The following INSR variants were observed in gnomAD, a reference collection of about 807,000 sequenced individuals.
INSR encodes the protein insulin receptor, also known as IR.
In INSR, 67 loss-of-function variants were observed where a neutral mutation model predicts 142.6. The observed-to-expected ratio is 0.47, with a 90% CI of 0.39 to 0.58. INSR has a LOEUF of 0.58. INSR is among the 20% of genes least tolerant of loss of function. INSR has a pLI of 0.00. For synonymous variants in INSR, 756 were observed against 743.1 expected (o/e 1.02, Z -0.28); for missense variants, 1,248 against 1,833.2 (o/e 0.68, Z 5.83).
At chr19:7,283,097 G>T (rs995311314) in intron 1 of INSR, among the ~76,000 whole-genome samples, 15 of 152,130 alleles carry the variant, frequency 9.9e-5, no homozygotes, top group Non-Finnish European at 1.2e-4. Flanking sequence ...GGAGGCTGAG[G>T]TGGGAGGACC....
At chr19:7,181,933 C>T (rs1974284797) in intron 3 of INSR, among the ~76,000 whole-genome samples, 3 of 152,020 alleles carry the variant, frequency 2.0e-5, no homozygotes, top group Non-Finnish European at 4.4e-5. Context: ...ATCAAGAACT[C>T]CTTCCCAGAT....
At chr19:7,247,757 C>T (rs1021147567) in intron 2 of INSR, among the ~76,000 whole-genome samples, 3 of 152,212 alleles carry the variant, frequency 2.0e-5, no homozygotes, top group African/African-American at 7.2e-5. Context: ...GCAGGCCTGT[C>T]TGACTCCAGA....
chr19:7,122,776 A>C lies in INSR; in HGVS notation c.3370-3T>G, dbSNP rs1351184521. On this transcript the variant is annotated splice_region_variant and splice_polypyrimidine_tract_variant and intron_variant, in intron 18 of 21. Transcript: ENST00000302850. ...GGGGGAGGGCGGCCAGGATTATTCT[A>C]AAACAGAAACACGGGGTTGGTGTTT... 6.2e-7 allele frequency: 1 copy of C among 1,614,158 alleles called. No individual in the cohort carries two copies. The highest frequency in any genetic ancestry group is 1.3e-5 in the African/African-American group (1 of 75,044).
chr19:7,231,775 CTTT>C (rs11453584), intron 2 of INSR, among the ~76,000 whole-genome samples: 1 of 145,278 alleles, frequency 6.9e-6, no homozygotes, highest in Admixed American at 6.9e-5. Context: ...TTTTCTGTCT[CTTT>C]TTTTTTTTTT....
intron 2 of INSR, 58 bp from the exon 3 acceptor site, chr19:7,184,695 T>C: frequency 8.7e-7 from 1 of 1,153,632 alleles, no homozygotes; most frequent in Non-Finnish European, 1.2e-6. Context: ...AATAAATAAA[T>C]AAATAAATAA....
chr19:7,132,385 C>G, intron 13 of INSR, 68 bp from the exon 14 acceptor site: 6 of 1,549,954 alleles, frequency 3.9e-6, no homozygotes, highest in Non-Finnish European at 5.3e-6. Context: ...CCACCCCTCG[C>G]AGGGAGCTCA....
intron 9 of INSR, among the ~76,000 whole-genome samples, chr19:7,155,301 G>A (rs1330855836): frequency 2.0e-5 from 3 of 152,114 alleles, no homozygotes; most frequent in African/African-American, 4.8e-5. Flanking sequence ...TTGGGAAGCC[G>A]AGGCAGGAGG....
In INSR at chr19:7,285,802, C is replaced by T. The variant is rs142784363; in HGVS notation, c.100+7990G>A. Among the ~76,000 whole-genome samples, 72 of 151,900 alleles carry T rather than the reference C, an allele frequency of 4.7e-4. No individual in the cohort carries two copies. In the East Asian group the frequency reaches 9.6e-3, roughly 20 times the overall value. On this transcript the variant is annotated intron_variant, in intron 1 of 21. Transcript: ENST00000302850. ...AAAACTATAGGGATGGAGAACAGAT[C>T]TGTGGTTAGGGGTGGAGGTGGTTTA...
At chr19:7,204,384 A>G (rs1975047029) in intron 2 of INSR, among the ~76,000 whole-genome samples, 1 of 151,778 alleles carries the variant, frequency 6.6e-6, no homozygotes, top group Admixed American at 6.6e-5. Context: ...TCCCCTCTAT[A>G]AGTTACGAGA....
In INSR at chr19:7,270,396, C is replaced by T. The variant is rs1156732661; in HGVS notation, c.101-2500G>A. On this transcript the variant is annotated intron_variant, in intron 1 of 21. Coordinates refer to ENST00000302850, the MANE Select transcript of INSR (RefSeq NM_000208.4). ...ACACACACACTGCAGGTAGAAAGAA[C>T]ACTTGGCCGCCATCCTCCCCAGGCT... Among the ~76,000 whole-genome samples the T allele has an allele frequency of 2.8e-5, 4 of 144,552 alleles. No individual in the cohort carries two copies. The East Asian group carries it at 7.9e-4, about 28-fold the overall frequency. 94.8% of individuals were successfully genotyped at this position (144,552 alleles called of 152,430 possible). A position where few individuals can be genotyped will look rare whatever the true frequency, so the allele number is the denominator to read the frequency against.
At chr19:7,209,400 G>A (rs1048149319) in intron 2 of INSR, among the ~76,000 whole-genome samples, 2 of 152,226 alleles carry the variant, frequency 1.3e-5, no homozygotes, top group South Asian at 2.1e-4. Context: ...GTATGCAAAC[G>A]TTGAGCTCAA....
chr19:7,143,846 G>A (rs2144864934), intron 11 of INSR, among the ~76,000 whole-genome samples: 1 of 152,298 alleles, frequency 6.6e-6, no homozygotes, highest in African/African-American at 2.4e-5. Flanking sequence ...CCTGAGGTTA[G>A]GAGTTCAAGA....
intron 2 of INSR, among the ~76,000 whole-genome samples, chr19:7,265,466 C>T (rs529001559): frequency 6.6e-6 from 1 of 152,036 alleles, no homozygotes; most frequent in Non-Finnish European, 1.5e-5. Flanking sequence ...ATAGGCTGGG[C>T]GCGGTGGCTC....
intron 9 of INSR, among the ~76,000 whole-genome samples, chr19:7,161,705 C>T (rs902997443): frequency 1.3e-5 from 2 of 151,992 alleles, no homozygotes; most frequent in African/African-American, 2.4e-5. Flanking sequence ...AGAAGTCTTG[C>T]GTGGGTTAAC....
intron 2 of INSR, among the ~76,000 whole-genome samples, chr19:7,245,577 T>C (rs1043224177): frequency 6.6e-6 from 1 of 152,082 alleles, no homozygotes; most frequent in African/African-American, 2.4e-5. Flanking sequence ...GGTTCCCAAG[T>C]AGCTGGGACT....
At chr19:7,224,647 C>G (rs1367649098) in intron 2 of INSR, among the ~76,000 whole-genome samples, 1 of 152,200 alleles carries the variant, frequency 6.6e-6, no homozygotes, top group Non-Finnish European at 1.5e-5. Flanking sequence ...CCAGGCAGTG[C>G]ACCCTGGGCG....
Position 7,168,180 on chromosome 19 carries a change from G to A in INSR, c.1484-86C>T. ...CTGGGACCCCCACACTTCCTGGAGG[G>A]ACCGTGAGAAGGCAGAGGTGACGCT... On this transcript the variant is annotated intron_variant, in intron 6 of 21. Transcript: ENST00000302850. The surrounding 1 kb of genome is among the most constrained non-coding windows in gnomAD (Gnocchi z 4.3). The A allele has an allele frequency of 1.4e-6, 2 of 1,404,728 alleles. No individual in the cohort carries two copies. Among genetic ancestry groups the A allele is most frequent in the Non-Finnish European group, 2.0e-6 (2 of 997,044 alleles). The allele number at this position is 1,404,728 out of a possible 1,614,324, so 87.0% of individuals were successfully genotyped here.
In INSR at chr19:7,160,937, A is replaced by G. The variant is rs995585892; in HGVS notation, c.2029+2095T>C. On this transcript the variant is annotated intron_variant, in intron 9 of 21. Transcript: ENST00000302850. Reference sequence around the variant, plus strand: ...CTTGAACCCAGCAGGCGGAGGTTGCAGTGAGCCAAGATCAAGCCACTGCAC... The same window carrying G: ...CTTGAACCCAGCAGGCGGAGGTTGCGGTGAGCCAAGATCAAGCCACTGCAC... 4.0e-5 allele frequency among the ~76,000 whole-genome samples: 6 copies of G among 150,108 alleles called. No individual in the cohort carries two copies. In the South Asian group the frequency reaches 8.4e-4, roughly 21 times the overall value.
chr19:7,262,789 A>T (rs892106756), intron 2 of INSR, among the ~76,000 whole-genome samples: 2 of 152,206 alleles, frequency 1.3e-5, no homozygotes, highest in Admixed American at 1.3e-4. Flanking sequence ...GGAGGTCCCT[A>T]CAGTCATCAC....
Sources: allele counts gnomAD v4.1 joint callset (sites outside exome capture counted in the v4.1 genomes callset), GRCh38; gene constraint gnomAD v4.1.1; non-coding constraint Gnocchi (gnomAD v3.1); transcripts MANE v1.5; gene names NCBI Gene and HGNC (gene_info 2026-07-23, HGNC 2026-07-21).